The following PPARG variants were observed in gnomAD, a reference collection of about 807,000 sequenced individuals.
PPARG encodes the protein peroxisome proliferator activated receptor gamma.
A neutral mutation model predicts 39.2 loss-of-function variants in PPARG; 17 were observed. The observed-to-expected ratio is 0.43, with a 90% CI of 0.30 to 0.65. The LOEUF is 0.65. PPARG is among the 30% of genes least tolerant of loss of function. The pLI, the probability that PPARG is intolerant of heterozygous loss-of-function variation, is 0.13. For missense variants in PPARG, 406 were observed against 585.9 expected (o/e 0.69, Z 3.17); for synonymous variants, 223 against 215.7 (o/e 1.03, Z -0.30).
chr3:12,323,499 G>A (rs1475267176), intron 2 of PPARG, among the ~76,000 whole-genome samples: 1 of 152,208 alleles, frequency 6.6e-6, no homozygotes, highest in Non-Finnish European at 1.5e-5. Context: ...TAGTACTTCT[G>A]TGTACCCAGC....
intron 5 of PPARG, chr3:12,399,319 T>C (rs1384077746): frequency 2.2e-6 from 1 of 456,358 alleles, no homozygotes; most frequent in Admixed American, 2.4e-5. Context: ...TTAATATTAG[T>C]GCTAAAGTTG....
rs768538430 is a variant in PPARG, at chr3:12,406,008, C to G, written c.656C>G (p.Ser219Ter). Residue 219 changes from serine (S) to a stop codon, truncating the protein, a stop_gained, in exon 6 of 8, where the codon TCA becomes TGA. Coordinates refer to ENST00000651735, the MANE Select transcript of PPARG (RefSeq NM_138711.6). LOFTEE classifies it high-confidence loss of function. Reference protein sequence around the residue: ...LRALAKHLYDSYIKSFPLTKA... With the variant: ...LRALAKHLYD ...GCCCTGGCAAAACATTTGTATGACT[C>G]ATACATAAAGTCCTTCCCGCTGACC... 6.2e-7 allele frequency: 1 copy of G among 1,614,126 alleles called. No homozygotes were observed. The highest frequency in any genetic ancestry group is 8.5e-7 in the Non-Finnish European group (1 of 1,180,028).
intron 2 of PPARG, among the ~76,000 whole-genome samples, chr3:12,378,970 G>T (rs1164370384): frequency 2.0e-5 from 3 of 151,894 alleles, no homozygotes; most frequent in Non-Finnish European, 2.9e-5. Flanking sequence ...TAAGTGTTTT[G>T]TTTGTTTTTT....
intron 2 of PPARG, among the ~76,000 whole-genome samples, chr3:12,362,944 G>T (rs1575059326): frequency 6.6e-6 from 1 of 152,216 alleles, no homozygotes; most frequent in East Asian, 1.9e-4. Context: ...TGTGGTGGTG[G>T]TTGTTTTTGA....
intron 2 of PPARG, among the ~76,000 whole-genome samples, chr3:12,312,819 T>C (rs749521237): frequency 6.6e-6 from 1 of 152,242 alleles, no homozygotes; most frequent in Non-Finnish European, 1.5e-5. Flanking sequence ...ATTTCTTTCA[T>C]GGTTCCCTAT....
chr3:12,302,453 A>G (rs2046952253), intron 1 of PPARG, among the ~76,000 whole-genome samples: 1 of 152,318 alleles, frequency 6.6e-6, no homozygotes, highest in South Asian at 2.1e-4. Flanking sequence ...GCACAGCTTT[A>G]AGAATTACTA....
intron 1 of PPARG, among the ~76,000 whole-genome samples, chr3:12,296,039 G>A (rs1384096697): frequency 2.0e-5 from 3 of 151,396 alleles, no homozygotes; most frequent in Admixed American, 1.3e-4. Flanking sequence ...ATCACTTGAG[G>A]CCAGGAGTTT....
chr3:12,417,944 C>G (rs1338459298), intron 7 of PPARG, among the ~76,000 whole-genome samples: 1 of 113,240 alleles, frequency 8.8e-6, no homozygotes, highest in Non-Finnish European at 1.7e-5. Context: ...GGGCCTCACT[C>G]TGTCACCCAG....
chr3:12,391,125 C>G (rs904662238), intron 4 of PPARG, among the ~76,000 whole-genome samples: 5 of 152,170 alleles, frequency 3.3e-5, no homozygotes, highest in African/African-American at 9.7e-5. Context: ...AAGGAAGTTA[C>G]GTGACATCTG....
chr3:12,386,579 G>A (rs886877183), intron 4 of PPARG, among the ~76,000 whole-genome samples: 5 of 151,436 alleles, frequency 3.3e-5, no homozygotes, highest in Non-Finnish European at 7.4e-5. Flanking sequence ...CGAGGGAAAA[G>A]CAGGATGGTA....
intron 2 of PPARG, among the ~76,000 whole-genome samples, chr3:12,320,078 A>T (rs1031619308): frequency 5.3e-5 from 8 of 152,176 alleles, no homozygotes; most frequent in African/African-American, 1.9e-4. Context: ...GATGGAATGT[A>T]AATGGAAACT....
intron 6 of PPARG, among the ~76,000 whole-genome samples, chr3:12,416,439 A>G (rs752091943): frequency 2.6e-5 from 4 of 152,216 alleles, no homozygotes; most frequent in Non-Finnish European, 5.9e-5. Context: ...AAAAGAAATC[A>G]GGATTCTTAG....
intron 1 of PPARG, among the ~76,000 whole-genome samples, chr3:12,294,180 C>T (rs2046720205): frequency 6.6e-6 from 1 of 152,090 alleles, no homozygotes; most frequent in Non-Finnish European, 1.5e-5. Context: ...AAGCCAGAAA[C>T]TTTGAAACAA....
intron 2 of PPARG, among the ~76,000 whole-genome samples, chr3:12,368,680 T>A (rs1183378601): frequency 6.6e-6 from 1 of 152,206 alleles, no homozygotes; most frequent in Non-Finnish European, 1.5e-5. Flanking sequence ...CAACAAGCAC[T>A]TAATAATTGT....
chr3:12,293,768 G>A (rs973012889), intron 1 of PPARG, among the ~76,000 whole-genome samples: 2 of 152,134 alleles, frequency 1.3e-5, no homozygotes, highest in African/African-American at 4.8e-5. Context: ...TTTTCATCCT[G>A]TATGTTTAAG....
chr3:12,374,398 A>G (rs1285192523), intron 2 of PPARG, among the ~76,000 whole-genome samples: 1 of 152,164 alleles, frequency 6.6e-6, no homozygotes, highest in Non-Finnish European at 1.5e-5. Context: ...CAGGAGTTCA[A>G]GACCAGCCTG....
chr3:12,370,689 A>G (rs1343298804), intron 2 of PPARG, among the ~76,000 whole-genome samples: 1 of 152,228 alleles, frequency 6.6e-6, no homozygotes, highest in Non-Finnish European at 1.5e-5. Flanking sequence ...TGTTAGTTTA[A>G]GAAGTCTCAC....
chr3:12,338,013 A>T (rs1253989980), intron 2 of PPARG, among the ~76,000 whole-genome samples: 1 of 152,170 alleles, frequency 6.6e-6, no homozygotes, highest in Non-Finnish European at 1.5e-5. Flanking sequence ...GGAAGGACAA[A>T]TAAATATATC....
rs570211155 is a variant in PPARG, at chr3:12,334,778, T to G, written c.-9+22325T>G. Reference sequence around the variant, plus strand: ...CTGCATTGTTCCAGTAGACACTTTATGTACCAACATGTACTTCAGCTGTTC... The same window carrying G: ...CTGCATTGTTCCAGTAGACACTTTAGGTACCAACATGTACTTCAGCTGTTC... On this transcript the variant is annotated intron_variant, in intron 2 of 7. Transcript: ENST00000651735. Among the ~76,000 whole-genome samples the G allele has an allele frequency of 3.9e-5, 6 of 152,370 alleles. No individual in the cohort carries two copies. In the South Asian group the frequency reaches 1.2e-3, roughly 32 times the overall value.
Sources: allele counts gnomAD v4.1 joint callset (sites outside exome capture counted in the v4.1 genomes callset), GRCh38; gene constraint gnomAD v4.1.1; transcripts MANE v1.5; gene names NCBI Gene and HGNC (gene_info 2026-07-23, HGNC 2026-07-21).